ZFHX3: variants seen among roughly 807,000 people sequenced by gnomAD.
ZFHX3 encodes zinc finger homeobox protein 3.
In ZFHX3, 42 loss-of-function variants were observed where a neutral mutation model predicts 279.1. The observed-to-expected ratio is 0.15, with a 90% confidence interval of 0.12 to 0.19. The LOEUF (loss-of-function observed/expected upper bound fraction) is 0.19, where lower values mean the gene tolerates loss of function less well. ZFHX3 is among the 10% of genes least tolerant of loss of function. The pLI is 1.00. For missense variants in ZFHX3, 4,981 were observed against 4,754.0 expected, an observed-to-expected ratio of 1.05 and a Z score of -1.40; for synonymous variants, 2,293 against 1,957.8, an observed-to-expected ratio of 1.17 and a Z score of -4.52.
intron 5 of ZFHX3, among the ~76,000 whole-genome samples, chr16:73,182,894 G>C (rs547692510): frequency 6.6e-6 from 1 of 150,930 alleles, no homozygotes; most frequent in Non-Finnish European, 1.5e-5. Context: ...AAAGGCGGGA[G>C]GGGGGAGGGG....
chr16:73,056,429 A>G (rs1231221448), intron 1 of ZFHX3, among the ~76,000 whole-genome samples: 3 of 152,060 alleles, frequency 2.0e-5, no homozygotes, highest in African/African-American at 7.2e-5. Context: ...GGGCCCCCCA[A>G]GTGCCCATTC....
At chr16:73,450,246 T>A (rs2018261049) in intron 3 of ZFHX3, among the ~76,000 whole-genome samples, 2 of 152,348 alleles carry the variant, frequency 1.3e-5, no homozygotes, top group South Asian at 2.1e-4. Context: ...AATCCCTTTT[T>A]AAAAATCTGT....
chr16:73,599,343 T>C (rs1402197654), intron 2 of ZFHX3, among the ~76,000 whole-genome samples: 2 of 152,174 alleles, frequency 1.3e-5, no homozygotes, highest in Admixed American at 6.5e-5. Context: ...TTACAATCTA[T>C]CCAAGAAAAG....
chr16:72,930,988 T>C (rs1959765839), intron 3 of ZFHX3, among the ~76,000 whole-genome samples: 1 of 152,250 alleles, frequency 6.6e-6, no homozygotes, highest in African/African-American at 2.4e-5. Flanking sequence ...TTCATTTGTG[T>C]TCAAATTTGC....
intron 2 of ZFHX3, among the ~76,000 whole-genome samples, chr16:73,606,503 A>T (rs960394585): frequency 2.1e-5 from 3 of 143,288 alleles, no homozygotes; most frequent in African/African-American, 7.8e-5. Context: ...AAAAAAAAAA[A>T]TCCATGCTTG....
intron 1 of ZFHX3, among the ~76,000 whole-genome samples, chr16:72,966,402 T>A (rs1392377890): frequency 3.9e-5 from 6 of 152,200 alleles, no homozygotes; most frequent in African/African-American, 1.4e-4. Flanking sequence ...TCATAAGAGT[T>A]CATGCAAACA....
At chr16:73,662,762 C>A (rs2142176830) in intron 2 of ZFHX3, among the ~76,000 whole-genome samples, 1 of 152,240 alleles carries the variant, frequency 6.6e-6, no homozygotes, top group East Asian at 1.9e-4. Context: ...GGCAATTTTG[C>A]AAGAACATTT....
intron 4 of ZFHX3, among the ~76,000 whole-genome samples, chr16:73,308,064 A>C (rs756565707): frequency 7.2e-5 from 11 of 151,794 alleles, no homozygotes; most frequent in African/African-American, 1.2e-4. Flanking sequence ...AGAGGGGGAA[A>C]AGGCACTTAG....
Position 72,833,194 on chromosome 16 carries a change from T to C in ZFHX3, c.3449-3335A>G, listed in dbSNP as rs141496019. 3.7e-3 allele frequency among the ~76,000 whole-genome samples: 565 copies of C among 152,258 alleles called. 2 individuals are homozygous for C. The highest frequency in any genetic ancestry group is 8.5e-3 in the South Asian group (41 of 4,818). On this transcript the variant is annotated intron_variant, in intron 4 of 9. Coordinates refer to ENST00000268489, the MANE Select transcript of ZFHX3 (RefSeq NM_006885.4). ...AAACACGTGGGAACCAGGGGCAAAA[T>C]AGCATCCCGCTTTGAAACAGAGATC...
intron 3 of ZFHX3, among the ~76,000 whole-genome samples, chr16:73,351,131 CAG>C (rs1015515431): frequency 1.2e-4 from 19 of 152,254 alleles, no homozygotes; most frequent in Admixed American, 7.2e-4. Flanking sequence ...CAGATAGAAA[CAG>C]AGGGGAAAAA....
chr16:73,270,690 G>A (rs1167104540), intron 4 of ZFHX3, among the ~76,000 whole-genome samples: 7 of 152,102 alleles, frequency 4.6e-5, no homozygotes, highest in Admixed American at 1.3e-4. Context: ...GGAGGTCAGC[G>A]GTCCCCTATC....
intron 1 of ZFHX3, among the ~76,000 whole-genome samples, chr16:72,980,635 G>T (rs1424062282): frequency 6.6e-6 from 1 of 151,734 alleles, no homozygotes; most frequent in Non-Finnish European, 1.5e-5. Flanking sequence ...GCTGGGTGCA[G>T]TGGTGTGCGC....
intron 1 of ZFHX3, among the ~76,000 whole-genome samples, chr16:73,841,983 G>A (rs1405269516): frequency 1.3e-5 from 2 of 152,036 alleles, no homozygotes; most frequent in Admixed American, 1.3e-4. Context: ...GGGAGGCTGA[G>A]GCAGGTGGAT....
chr16:73,048,187 G>GGC, upstream of ZFHX3: 1 of 152,730 alleles, frequency 6.5e-6, no homozygotes, highest in Non-Finnish European at 1.5e-5. Context: ...GGGCGGGGCG[G>GGC]GGGGCCTTCG....
chr16:73,793,217 T>G (rs1959887076), intron 1 of ZFHX3, among the ~76,000 whole-genome samples: 1 of 152,208 alleles, frequency 6.6e-6, no homozygotes, highest in Non-Finnish European at 1.5e-5. Flanking sequence ...TCAGGGGGAA[T>G]AAGATGTGGC....
At chr16:73,583,815 C>G (rs73602968) in intron 2 of ZFHX3, among the ~76,000 whole-genome samples, 2 of 152,094 alleles carry the variant, frequency 1.3e-5, no homozygotes, top group African/African-American at 4.8e-5. Flanking sequence ...AGTATTAAGA[C>G]CCTCTAGAAC....
chr16:73,279,103 T>C (rs897840835), intron 4 of ZFHX3, among the ~76,000 whole-genome samples: 1 of 152,226 alleles, frequency 6.6e-6, no homozygotes, highest in Admixed American at 6.5e-5. Flanking sequence ...CAAATTACAA[T>C]GCTAATCATC....
At chr16:72,884,192 T>C (rs2144042142) in intron 4 of ZFHX3, among the ~76,000 whole-genome samples, 1 of 152,322 alleles carries the variant, frequency 6.6e-6, no homozygotes, top group Non-Finnish European at 1.5e-5. Context: ...TAAAAAGTGA[T>C]TCATCAAATG....
chr16:73,001,404 C>T (rs558459985), intron 1 of ZFHX3, among the ~76,000 whole-genome samples: 44 of 152,208 alleles, frequency 2.9e-4, no homozygotes, highest in Non-Finnish European at 5.0e-4. Flanking sequence ...AGCCCGATTC[C>T]TGACCCACAG....
Sources: gnomAD v4.1 joint callset for allele counts (sites outside exome capture counted in the v4.1 genomes callset) on GRCh38, gnomAD v4.1.1 for gene constraint, MANE v1.5 for transcripts, NCBI Gene and HGNC (gene_info 2026-07-23, HGNC 2026-07-21) for gene names.